Variants in LDLRAD3 observed in about 807,000 individuals in gnomAD.
LDLRAD3 encodes the protein low-density lipoprotein receptor class A domain-containing protein 3.
LDLRAD3 carries 20 observed loss-of-function variants against 29.4 expected under a neutral mutation model. That is an observed-to-expected ratio of 0.68 (90% CI 0.48 to 0.99). LDLRAD3 has a LOEUF of 0.99. LDLRAD3 is among the 50% of genes least tolerant of loss of function. LDLRAD3 has a pLI of 0.00. For synonymous variants in LDLRAD3, 157 were observed against 192.7 expected (o/e 0.81, Z 1.53); for missense variants, 420 against 454.3 (o/e 0.92, Z 0.69).
intron 4 of LDLRAD3, among the ~76,000 whole-genome samples, chr11:36,163,753 G>A (rs1366288641): frequency 6.6e-6 from 1 of 152,136 alleles, no homozygotes; most frequent in Admixed American, 6.5e-5. Flanking sequence ...AAGGGAAAAG[G>A]GGAGGGGAAG....
rs755767754 is a variant in LDLRAD3, at chr11:36,229,142, C to G, written c.801-18C>G. 3 of 1,576,640 alleles carry G rather than the reference C, an allele frequency of 1.9e-6. No homozygotes were observed. Among genetic ancestry groups the G allele is most frequent in the South Asian group, 2.2e-5 (2 of 90,226 alleles). On this transcript the variant is annotated intron_variant, in intron 5 of 5. Transcript: ENST00000315571. ...TCCTGTCTCCATTGCCCCTGCCCCC[C>G]TGCTGTCCCCATCACAGGCCTGCGT...
At chr11:36,175,349 G>A (rs1371764653) in intron 4 of LDLRAD3, among the ~76,000 whole-genome samples, 4 of 151,974 alleles carry the variant, frequency 2.6e-5, no homozygotes, top group Non-Finnish European at 5.9e-5. Flanking sequence ...TTCTTCTGCT[G>A]GGCTTGGGTT....
intron 4 of LDLRAD3, among the ~76,000 whole-genome samples, chr11:36,152,639 C>A (rs558544738): frequency 6.6e-6 from 1 of 152,266 alleles, no homozygotes. Context: ...TGTCTGCTTC[C>A]AACTCCCTTT....
chr11:36,093,531 C>A (rs1454593028), intron 3 of LDLRAD3, among the ~76,000 whole-genome samples: 1 of 151,980 alleles, frequency 6.6e-6, no homozygotes, highest in African/African-American at 2.4e-5. Flanking sequence ...CAGTACATAG[C>A]CTACTACTGA....
chr11:36,046,009 T>A (rs1852445251), intron 2 of LDLRAD3, among the ~76,000 whole-genome samples: 1 of 151,236 alleles, frequency 6.6e-6, no homozygotes, highest in African/African-American at 2.4e-5. Context: ...TTCCCCTCCC[T>A]GTGTCTATGC....
intron 1 of LDLRAD3, among the ~76,000 whole-genome samples, chr11:36,028,263 AGTC>A (rs1193797250): frequency 6.6e-6 from 1 of 152,258 alleles, no homozygotes; most frequent in Non-Finnish European, 1.5e-5. Context: ...CTGTTCATGC[AGTC>A]AATAGGCATT....
chr11:35,958,014 T>C (rs1404183718), intron 1 of LDLRAD3, among the ~76,000 whole-genome samples: 8 of 152,124 alleles, frequency 5.3e-5, no homozygotes, highest in Admixed American at 5.2e-4. Flanking sequence ...GGCAGTATCA[T>C]TTATAGTGGT....
intron 2 of LDLRAD3, among the ~76,000 whole-genome samples, 181 bp from the exon 3 acceptor site, chr11:36,081,472 G>A (rs1422110218): frequency 6.6e-6 from 1 of 152,190 alleles, no homozygotes; most frequent in Non-Finnish European, 1.5e-5. Context: ...TAGACAATGT[G>A]GCGTGTGGGT....
chr11:35,970,254 A>G (rs1176872372), intron 1 of LDLRAD3, among the ~76,000 whole-genome samples: 6 of 152,174 alleles, frequency 3.9e-5, no homozygotes, highest in South Asian at 2.1e-4. Context: ...TGACATATGT[A>G]ATTCGTTAAG....
At chr11:36,132,552 C>T (rs1026078315) in intron 4 of LDLRAD3, among the ~76,000 whole-genome samples, 1 of 152,106 alleles carries the variant, frequency 6.6e-6, no homozygotes, top group African/African-American at 2.4e-5. Context: ...CTGGGGCACA[C>T]AAAGGTTGGG....
chr11:36,131,658 T>C (rs969246297), intron 4 of LDLRAD3, among the ~76,000 whole-genome samples: 1 of 152,248 alleles, frequency 6.6e-6, no homozygotes, highest in Admixed American at 6.5e-5. Context: ...TATGGCTCAG[T>C]AGCATTAAGT....
At chr11:36,016,345 A>G (rs1852021939) in intron 1 of LDLRAD3, among the ~76,000 whole-genome samples, 1 of 152,230 alleles carries the variant, frequency 6.6e-6, no homozygotes, top group Non-Finnish European at 1.5e-5. Flanking sequence ...TTGAGCCAAC[A>G]TTTGGGACTA....
Position 36,144,660 on chromosome 11 carries a change from A to C in LDLRAD3, c.454+46199A>C, listed in dbSNP as rs373087313. On this transcript the variant is annotated intron_variant, in intron 4 of 5. Coordinates refer to ENST00000315571, the MANE Select transcript of LDLRAD3 (RefSeq NM_174902.4). Reference sequence around the variant, plus strand: ...AGAAGCCCCTCCGCCCGGCAGCCACACCGTCTGAGAAGTGAGGAGCCCCTC... The same window carrying C: ...AGAAGCCCCTCCGCCCGGCAGCCACCCCGTCTGAGAAGTGAGGAGCCCCTC... 5.5e-3 allele frequency among the ~76,000 whole-genome samples: 202 copies of C among 36,736 alleles called. 3 individuals carry two copies. The highest frequency in any genetic ancestry group is 0.034 in the East Asian group (14 of 414). The allele number at this position is 36,736 out of a possible 152,430, so 24.1% of individuals were successfully genotyped here.
rs373458121 is a variant in LDLRAD3 at position 36,206,587 on chromosome 11, A to G, written c.455-20498A>G. On this transcript the variant is annotated intron_variant, in intron 4 of 5. Coordinates refer to ENST00000315571, the MANE Select transcript of LDLRAD3 (RefSeq NM_174902.4). ...CATTTGAATCTTGAAGGCTGGCCAG[A>G]TGTGAACAGGAGGTCATGTTGGCCA... 3.5e-4 allele frequency among the ~76,000 whole-genome samples: 54 copies of G among 152,284 alleles called. 1 individual carries two copies. The South Asian group carries it at 0.011, about 30-fold the overall frequency.
At chr11:36,019,065 G>A (rs746294131) in intron 1 of LDLRAD3, among the ~76,000 whole-genome samples, 1 of 152,088 alleles carries the variant, frequency 6.6e-6, no homozygotes, top group Admixed American at 6.5e-5. Context: ...TGAAGGCTTT[G>A]GTTTTCTGCT....
chr11:36,207,004 G>A (rs1049910743), intron 4 of LDLRAD3, among the ~76,000 whole-genome samples: 2 of 152,136 alleles, frequency 1.3e-5, no homozygotes, highest in African/African-American at 4.8e-5. Flanking sequence ...GGGATTACAG[G>A]CATGAACCAC....
rs181058405 is a variant in LDLRAD3 at position 36,221,897 on chromosome 11, A to G, written c.455-5188A>G. On this transcript the variant is annotated intron_variant, in intron 4 of 5. Transcript: ENST00000315571. ...ACTTTGCTTTTTTCCCCTTATTTAT[A>G]TATCCTTCTCATGGTTCCATATCAG... is the stretch of plus-strand genomic sequence containing the variant. Among the ~76,000 whole-genome samples the G allele has an allele frequency of 5.9e-5, 9 of 152,196 alleles. No homozygotes were observed. In the East Asian group the frequency reaches 1.7e-3, roughly 29 times the overall value.
intron 4 of LDLRAD3, among the ~76,000 whole-genome samples, chr11:36,187,471 A>G (rs1444117601): frequency 2.6e-5 from 4 of 152,220 alleles, no homozygotes; most frequent in Non-Finnish European, 5.9e-5. Context: ...ATGGCACTAC[A>G]TAGAGCACTG....
At chr11:36,191,631 C>T (rs904747592) in intron 4 of LDLRAD3, among the ~76,000 whole-genome samples, 9 of 146,504 alleles carry the variant, frequency 6.1e-5, no homozygotes, top group African/African-American at 1.0e-4. Flanking sequence ...CACGCACGCA[C>T]GCACGCACAA....
Sources: allele counts gnomAD v4.1 joint callset (sites outside exome capture counted in the v4.1 genomes callset), GRCh38; gene constraint gnomAD v4.1.1; transcripts MANE v1.5; gene names NCBI Gene and HGNC (gene_info 2026-07-23, HGNC 2026-07-21).